GALNT13: variants seen among roughly 807,000 people sequenced by gnomAD.
GALNT13 encodes UDP-GalNAc:polypeptide N-acetylgalactosaminyltransferase 13.
In GALNT13, 28 loss-of-function variants were observed where a neutral mutation model predicts 64.2. The observed-to-expected ratio is 0.44, with a 90% confidence interval of 0.32 to 0.60. The LOEUF (loss-of-function observed/expected upper bound fraction) is 0.60, where lower values mean the gene tolerates loss of function less well. Among genes scored for constraint, GALNT13 ranks in the 20% least tolerant of loss-of-function variants. The pLI is 0.05. For synonymous variants in GALNT13, 214 were observed against 224.6 expected (o/e 0.95, Z 0.42); for missense variants, 577 against 669.8 (o/e 0.86, Z 1.53).
the GALNT13 span, among the ~76,000 whole-genome samples, chr2:153,397,395 T>C: frequency 5.3e-5 from 8 of 152,262 alleles, no homozygotes; most frequent in East Asian, 7.7e-4. Context: ...AGAACCACTA[T>C]GAATCAGTAA....
chr2:153,104,474 A>C, the GALNT13 span, among the ~76,000 whole-genome samples: 12 of 152,314 alleles, frequency 7.9e-5, no homozygotes, highest in South Asian at 1.9e-3. Context: ...CCTGACAAAA[A>C]ACAATGAAAA....
chr2:153,630,805 A>ATT, the GALNT13 span, among the ~76,000 whole-genome samples: 142 of 14,984 alleles, frequency 9.5e-3, no homozygotes, highest in South Asian at 0.017. Flanking sequence ...ATATATATAT[A>ATT]TATTTTTTTT....
chr2:153,944,500 GA>G lies in GALNT13; in HGVS notation c.4del (p.Arg2GlyfsTer10). M[R>X]RFVYCKVVLA... ...TTAACTAGAAATCAAGGAAAGACAT[GA>G]GGAGATTTGTCTACTGCAAGGTGGT... On this transcript the variant is annotated frameshift_variant, in exon 3 of 13. Coordinates refer to ENST00000392825, the MANE Select transcript of GALNT13 (RefSeq NM_052917.4). LOFTEE classifies it high-confidence loss of function. 6.2e-7 allele frequency: 1 copy of G among 1,611,628 alleles called. No individual in the cohort carries two copies. Among genetic ancestry groups the G allele is most frequent in the Non-Finnish European group, 8.5e-7 (1 of 1,178,334 alleles).
intron 2 of GALNT13, among the ~76,000 whole-genome samples, chr2:153,924,401 T>A (rs1165313082): frequency 3.3e-5 from 5 of 152,196 alleles, no homozygotes; most frequent in Non-Finnish European, 7.3e-5. Context: ...CATTCCTTTT[T>A]ATGGCTGCAT....
chr2:154,088,844 G>T (rs2105433854), intron 3 of GALNT13, among the ~76,000 whole-genome samples: 1 of 152,206 alleles, frequency 6.6e-6, no homozygotes, highest in African/African-American at 2.4e-5. Context: ...GATACCAATT[G>T]CCAGCTGATT....
chr2:153,925,066 C>G (rs1690027484), intron 2 of GALNT13, among the ~76,000 whole-genome samples: 2 of 152,130 alleles, frequency 1.3e-5, no homozygotes, highest in African/African-American at 4.8e-5. Context: ...TAATTAGATT[C>G]CATTTGTCAA....
At chr2:153,367,293 G>T in the GALNT13 span, among the ~76,000 whole-genome samples, 1 of 152,046 alleles carries the variant, frequency 6.6e-6, no homozygotes, top group Non-Finnish European at 1.5e-5. Flanking sequence ...GAAGGAATTA[G>T]AAATATACCA....
the GALNT13 span, among the ~76,000 whole-genome samples, chr2:153,630,801 ATATATATTT>A: frequency 3.7e-3 from 63 of 17,200 alleles, no homozygotes; most frequent in African/African-American, 5.1e-3. Flanking sequence ...ATATATATAT[ATATATATTT>A]TTTTTTTTTT....
intron 4 of GALNT13, among the ~76,000 whole-genome samples, chr2:154,185,567 T>C (rs1318259836): frequency 6.6e-6 from 1 of 151,982 alleles, no homozygotes; most frequent in Non-Finnish European, 1.5e-5. Flanking sequence ...TTTCTTTGAC[T>C]GGATAATTTT....
intron 3 of GALNT13, among the ~76,000 whole-genome samples, chr2:154,064,854 A>G (rs1265498934): frequency 1.3e-5 from 2 of 152,046 alleles, no homozygotes; most frequent in African/African-American, 2.4e-5. Flanking sequence ...ATGCAGAGTG[A>G]AGAGTAAAGG....
chr2:154,095,825 A>G (rs1379904267), intron 3 of GALNT13, among the ~76,000 whole-genome samples: 2 of 152,036 alleles, frequency 1.3e-5, no homozygotes, highest in Middle Eastern at 3.4e-3. Context: ...GTCCTATGTT[A>G]AAGATGTCAG....
chr2:153,763,945 C>G, the GALNT13 span, among the ~76,000 whole-genome samples: 1 of 151,694 alleles, frequency 6.6e-6, no homozygotes, highest in Non-Finnish European at 1.5e-5. Flanking sequence ...TTTGGAACTT[C>G]CTAGAGACTT....
At chr2:153,534,518 C>CTTTTTTTTTT in the GALNT13 span, among the ~76,000 whole-genome samples, 13 of 123,780 alleles carry the variant, frequency 1.1e-4, no homozygotes, top group Non-Finnish European at 1.8e-4. Flanking sequence ...GCCCCTCTTT[C>CTTTTTTTTTT]TTTCTTTCTT....
chr2:154,344,228 A>C (rs1471176230), intron 9 of GALNT13, among the ~76,000 whole-genome samples: 1 of 152,038 alleles, frequency 6.6e-6, no homozygotes, highest in Non-Finnish European at 1.5e-5. Context: ...TACTAAATTT[A>C]AAGAAAATTA....
the GALNT13 span, among the ~76,000 whole-genome samples, chr2:153,584,169 A>C: frequency 4.6e-5 from 7 of 152,100 alleles, no homozygotes; most frequent in Non-Finnish European, 1.0e-4. Flanking sequence ...ACCTTAGTGC[A>C]TCAGTGGTTG....
At chr2:153,978,972 A>G (rs529173877) in intron 3 of GALNT13, among the ~76,000 whole-genome samples, 3 of 152,228 alleles carry the variant, frequency 2.0e-5, no homozygotes, top group South Asian at 2.1e-4. Context: ...AGGAAAGATA[A>G]TAACAATACA....
Position 154,096,986 on chromosome 2 carries a change from G to GT in GALNT13, c.143-43350dup, listed in dbSNP as rs545305374. Among the ~76,000 whole-genome samples, 125 of 136,708 alleles carry GT rather than the reference G, an allele frequency of 9.1e-4. 3 individuals carry two copies. The highest frequency in any genetic ancestry group is 8.0e-3 in the South Asian group (30 of 3,754). 89.7% of individuals were successfully genotyped at this position (136,708 alleles called of 152,430 possible). A position where few individuals can be genotyped will look rare whatever the true frequency, so the allele number is the denominator to read the frequency against. Reference sequence around the variant, plus strand: ...AATTCCACATCATCAAAATAAACTAGTAAGTGAATAAGAAAATAAGTAAGT... The same window carrying GT: ...AATTCCACATCATCAAAATAAACTAGTTAAGTGAATAAGAAAATAAGTAAGT... On this transcript the variant is annotated intron_variant, in intron 3 of 12. Coordinates refer to ENST00000392825, the MANE Select transcript of GALNT13 (RefSeq NM_052917.4).
At chr2:154,428,777 AT>A (rs70983722) in intron 11 of GALNT13, among the ~76,000 whole-genome samples, 6,316 of 139,504 alleles carry the variant, frequency 0.045, 261 homozygotes, top group African/African-American at 0.13. Flanking sequence ...ATGATCAGTG[AT>A]TTTTTTTTTT....
the GALNT13 span, among the ~76,000 whole-genome samples, chr2:153,811,911 T>C: frequency 6.6e-6 from 1 of 152,210 alleles, no homozygotes; most frequent in Admixed American, 6.5e-5. Context: ...CTATCTCTTT[T>C]TAAATTGAGA....
Sources: gnomAD v4.1 joint callset for allele counts (sites outside exome capture counted in the v4.1 genomes callset) on GRCh38, gnomAD v4.1.1 for gene constraint, MANE v1.5 for transcripts, NCBI Gene and HGNC (gene_info 2026-07-23, HGNC 2026-07-21) for gene names.